Variants in C1R observed in about 807,000 individuals in gnomAD.
The protein encoded by C1R is complement C1r subcomponent.
C1R carries 15 observed loss-of-function variants against 27.6 expected under a neutral mutation model. The ratio of observed to expected loss-of-function variants is 0.54; its 90% CI spans 0.36 to 0.84. C1R has a LOEUF of 0.84. C1R is among the 40% of genes least tolerant of loss of function. The pLI is 0.01. For missense variants in C1R, 544 were observed against 577.9 expected, an observed-to-expected ratio of 0.94 and a Z score of 0.60; for synonymous variants, 253 against 228.8, an observed-to-expected ratio of 1.11 and a Z score of -0.95.
In C1R at chr12:7,080,493, C is replaced by T; in HGVS notation, c.*39G>A. The T allele has an allele frequency of 6.7e-7, 1 of 1,500,398 alleles. No homozygotes were observed. Among genetic ancestry groups the T allele is most frequent in the East Asian group, 2.3e-5 (1 of 43,780 alleles). 92.9% of individuals were successfully genotyped at this position (1,500,398 alleles called of 1,614,324 possible). On this transcript the variant is annotated 3_prime_UTR_variant, in exon 11 of 11. Transcript: ENST00000647956. This position sits in a 1 kb window ranked among gnomAD's most constrained non-coding sequence, Gnocchi z 4.9. ...CAGTTGTTTTTTGTTTTTTTTTTTC[C>T]ACACTGCTCTCTGGATTCGAACCTA...
In C1R at chr12:7,080,233, A is replaced by G. The variant is rs1938028224; in HGVS notation, c.*299T>C. 3 of 1,027,682 alleles carry G rather than the reference A, an allele frequency of 2.9e-6. No individual in the cohort carries two copies. The highest frequency in any genetic ancestry group is 3.5e-6 in the Non-Finnish European group (3 of 848,800). 63.7% of individuals were successfully genotyped at this position (1,027,682 alleles called of 1,614,324 possible). On this transcript the variant is annotated 3_prime_UTR_variant, in exon 11 of 11. Coordinates refer to ENST00000647956, the MANE Select transcript of C1R (RefSeq NM_001733.7). The surrounding 1 kb of genome is among the most constrained non-coding windows in gnomAD (Gnocchi z 4.9). Reference sequence around the variant, plus strand: ...ATTTTGCACACTGGCATTTCTCATAAAACTTTATTTGGAAAAAGTTATATT... The same window carrying G: ...ATTTTGCACACTGGCATTTCTCATAGAACTTTATTTGGAAAAAGTTATATT...
At chr12:7,082,870 T>C (rs1159052092) in intron 9 of C1R, among the ~76,000 whole-genome samples, 1 of 150,094 alleles carries the variant, frequency 6.7e-6, no homozygotes, top group Non-Finnish European at 1.5e-5. Context: ...GTTATTATCC[T>C]CATTTTGTGG....
Position 7,088,963 on chromosome 12 carries a change from A to G in C1R, c.792T>C (p.Ile264=). Residue 264 remains isoleucine (I), a synonymous_variant, in exon 6 of 11, where the codon ATT becomes ATC. Transcript: ENST00000647956. ...QLQIYANGKN[I]GEFCGKQRPP... is the part of the protein sequence containing the mutation. Reference sequence around the variant, plus strand: ...GCCTTTGCTTCCCACAGAACTCGCCAATGTTCTTCCCGTTGGCATAGATCT... The same window carrying G: ...GCCTTTGCTTCCCACAGAACTCGCCGATGTTCTTCCCGTTGGCATAGATCT... 1 of 748,434 alleles carries G rather than the reference A, an allele frequency of 1.3e-6. No individual in the cohort carries two copies. The highest frequency in any genetic ancestry group is 2.5e-6 in the Non-Finnish European group (1 of 403,250). The allele number at this position is 748,434 out of a possible 1,614,324, so 46.4% of individuals were successfully genotyped here.
chr12:7,083,019 CTG>C (rs1938090591), intron 9 of C1R, among the ~76,000 whole-genome samples: 1 of 152,156 alleles, frequency 6.6e-6, no homozygotes, highest in African/African-American at 2.4e-5. Context: ...TCCCTTTTTT[CTG>C]TGTTTCAAAC....
At chr12:7,083,250 T>C (rs1938096128) in intron 9 of C1R, among the ~76,000 whole-genome samples, 1 of 149,500 alleles carries the variant, frequency 6.7e-6, no homozygotes, top group Non-Finnish European at 1.5e-5. Flanking sequence ...GTGTTGTTAA[T>C]GGTGGTAGTG....
rs1177116880 is a variant in C1R, at chr12:7,081,195, C to G, written c.1455G>C (p.Gly485=). 1 of 1,613,702 alleles carries G rather than the reference C, an allele frequency of 6.2e-7. No individual in the cohort carries two copies. Among genetic ancestry groups the G allele is most frequent in the Non-Finnish European group, 8.5e-7 (1 of 1,179,724 alleles). ...CGCCCAGCAGGGCCCCGCCCCCGCGCCCGTGGATGTTGGTGAACACCTGCC... is the reference window on the plus strand; with the variant it reads ...CGCCCAGCAGGGCCCCGCCCCCGCGGCCGTGGATGTTGGTGAACACCTGCC... The part of the protein sequence containing the change: ...FPWQVFTNIH[G]RGGGALLGDR... The change falls in exon 11 of 11, where the codon GGG becomes GGC. Residue 485 remains glycine (G), a synonymous_variant. Coordinates refer to ENST00000647956, the MANE Select transcript of C1R (RefSeq NM_001733.7).
intron 2 of C1R, 129 bp from the exon 3 acceptor site, chr12:7,090,377 C>T (rs1938248716): frequency 1.6e-6 from 1 of 611,498 alleles, no homozygotes; most frequent in Non-Finnish European, 2.9e-6. Flanking sequence ...CTGGTCACTA[C>T]CTGCTGGGCT....
At chr12:7,085,310 ATGG>A (rs1938134269) in intron 9 of C1R, among the ~76,000 whole-genome samples, 1 of 122,332 alleles carries the variant, frequency 8.2e-6, no homozygotes, top group Non-Finnish European at 1.7e-5. Context: ...GATGGTGGTG[ATGG>A]TGGTGTTAGT....
intron 8 of C1R, 117 bp from the exon 9 acceptor site, chr12:7,086,133 G>A (rs987848478): frequency 8.3e-5 from 33 of 397,808 alleles, no homozygotes; most frequent in Non-Finnish European, 1.1e-4. Context: ...AAGATAGTCA[G>A]TGGGGAGGGC....
At position 7,090,309 on chromosome 12, in the gene C1R, C is replaced by T. The variant is rs1311508877; in HGVS notation, c.232-61G>A. On this transcript the variant is annotated intron_variant, in intron 2 of 10. Coordinates refer to ENST00000647956, the MANE Select transcript of C1R (RefSeq NM_001733.7). ...TGTTGCGGAGTGGCGCACGTGGTGG[C>T]TCAGTGATGGTCCTCCTTGTCTCGC... The T allele has an allele frequency of 1.0e-5, 7 of 681,628 alleles. No individual in the cohort carries two copies. In the Admixed American group the frequency reaches 1.3e-4, roughly 12 times the overall value. 42.2% of individuals were successfully genotyped at this position (681,628 alleles called of 1,614,324 possible).
chr12:7,091,764 C>T lies in C1R; in HGVS notation c.3-84G>A, dbSNP rs745517103. 1.8e-5 allele frequency: 13 copies of T among 716,000 alleles called. No homozygotes were observed. Among genetic ancestry groups the T allele is most frequent in the South Asian group, 4.5e-5 (3 of 66,904 alleles). 44.4% of individuals were successfully genotyped at this position (716,000 alleles called of 1,614,324 possible). A position where few individuals can be genotyped will look rare whatever the true frequency, so the allele number is the denominator to read the frequency against. ...GCAGTGGCTGTGGCAGGGGATGAGA[C>T]GGCCATACCACTGGGCATTCTCCTC... On this transcript the variant is annotated intron_variant, in intron 1 of 10. Coordinates refer to ENST00000647956, the MANE Select transcript of C1R (RefSeq NM_001733.7). The surrounding 1 kb of genome is among the most constrained non-coding windows in gnomAD (Gnocchi z 5.1).
At chr12:7,081,938 C>T (rs1938071532) in intron 10 of C1R, 94 bp downstream of exon 10, 4 of 1,036,878 alleles carry the variant, frequency 3.9e-6, no homozygotes, top group Non-Finnish European at 4.2e-6. Flanking sequence ...TTCCCCTCTT[C>T]TCTCCTCTCT....
Position 7,090,186 on chromosome 12 carries a change from G to T in C1R, c.294C>A (p.Asn98Lys). 1.3e-6 allele frequency: 1 copy of T among 754,638 alleles called. No individual in the cohort carries two copies. The highest frequency in any genetic ancestry group is 2.5e-6 in the Non-Finnish European group (1 of 404,222). The allele number at this position is 754,638 out of a possible 1,614,324, so 46.7% of individuals were successfully genotyped here. Residue 98 changes from asparagine (N) to lysine (K), a missense_variant, in exon 3 of 11, where the codon AAC becomes AAA. By Grantham distance (94) the Asn-to-Lys change is moderately conservative (BLOSUM62 0). Transcript: ENST00000647956. The part of the protein sequence containing the change: ...FCGQLGSPLG[N>K]PPGKKEFMSQ... Reference sequence around the variant, plus strand: ...ACATAAATTCCTTCTTTCCCGGGGGGTTGCCCAGTGGAGAACCCAGTTGCC... The same window carrying T: ...ACATAAATTCCTTCTTTCCCGGGGGTTTGCCCAGTGGAGAACCCAGTTGCC...
chr12:7,080,227 C>T lies in C1R; in HGVS notation c.*305G>A. The T allele has an allele frequency of 1.0e-6, 1 of 977,392 alleles. No homozygotes were observed. The highest frequency in any genetic ancestry group is 1.2e-6 in the Non-Finnish European group (1 of 805,450). 60.5% of individuals were successfully genotyped at this position (977,392 alleles called of 1,614,324 possible). ...TGACTCATTTTGCACACTGGCATTTCTCATAAAACTTTATTTGGAAAAAGT... is the reference window on the plus strand; with the variant it reads ...TGACTCATTTTGCACACTGGCATTTTTCATAAAACTTTATTTGGAAAAAGT... On this transcript the variant is annotated 3_prime_UTR_variant, in exon 11 of 11. Coordinates refer to ENST00000647956, the MANE Select transcript of C1R (RefSeq NM_001733.7). The surrounding 1 kb of genome is among the most constrained non-coding windows in gnomAD (Gnocchi z 4.9).
chr12:7,092,322 C>T (rs924363364), intron 1 of C1R, 65 bp downstream of exon 1: 2 of 780,354 alleles, frequency 2.6e-6, no homozygotes, highest in African/African-American at 3.4e-5. Flanking sequence ...CCTGAATTGC[C>T]TCCCATGCCC....
At chr12:7,089,513 A>G (rs762993517) in intron 4 of C1R, 24 bp from the exon 5 acceptor site, 7 of 779,204 alleles carry the variant, frequency 9.0e-6, no homozygotes, top group South Asian at 5.4e-5. Flanking sequence ...GCCACAGGGC[A>G]TTACGGGGGA....
chr12:7,081,784 C>T (rs781007304), intron 10 of C1R, among the ~76,000 whole-genome samples: 83 of 152,320 alleles, frequency 5.4e-4, no homozygotes, highest in African/African-American at 1.3e-3. Flanking sequence ...TGAGCCACCA[C>T]GTCTTGCCCC....
chr12:7,082,348 T>C (rs1369015363), intron 9 of C1R, among the ~76,000 whole-genome samples: 1 of 152,154 alleles, frequency 6.6e-6, no homozygotes, highest in East Asian at 1.9e-4. Flanking sequence ...ATTTTTTTTT[T>C]TGGGACGGAG....
rs755385221 is a variant in C1R, at chr12:7,088,964, A to G, written c.791T>C (p.Ile264Thr). ...QLQIYANGKN[I>T]GEFCGKQRPP... ...CCTTTGCTTCCCACAGAACTCGCCA[A>G]TGTTCTTCCCGTTGGCATAGATCTA... is the stretch of plus-strand genomic sequence containing the variant. Residue 264 changes from isoleucine (I) to threonine (T), a missense_variant, in exon 6 of 11, where the codon ATT becomes ACT. By Grantham distance (89) the Ile-to-Thr change is moderately conservative (BLOSUM62 -1). Around this residue, in one of 2 missense-constraint regions of C1R, gnomAD observed 291 missense variants for 209.0 expected, o/e 1.39. Coordinates refer to ENST00000647956, the MANE Select transcript of C1R (RefSeq NM_001733.7). 6 of 747,874 alleles carry G rather than the reference A, an allele frequency of 8.0e-6. No individual in the cohort carries two copies. The highest frequency in any genetic ancestry group is 1.9e-5 in the Admixed American group (1 of 53,562). 46.3% of individuals were successfully genotyped at this position (747,874 alleles called of 1,614,324 possible).
Sources: gnomAD v4.1 joint callset for allele counts (sites outside exome capture counted in the v4.1 genomes callset) on GRCh38, gnomAD v4.1.1 for gene constraint, gnomAD v4.1.1 regional missense constraint, Gnocchi (gnomAD v3.1) non-coding constraint, MANE v1.5 for transcripts, NCBI Gene and HGNC (gene_info 2026-07-23, HGNC 2026-07-21) for gene names.